MIER2: variants seen among roughly 807,000 people sequenced by gnomAD.
MIER2 encodes the protein mesoderm induction early response protein 2.
Under a neutral mutation model 67.6 loss-of-function variants are expected in MIER2, and 30 were observed. The observed-to-expected ratio is 0.44, with a 90% CI of 0.33 to 0.60. The LOEUF (loss-of-function observed/expected upper bound fraction) is 0.60, where lower values mean the gene tolerates loss of function less well. Ranked by LOEUF, MIER2 falls within the 20% of genes least tolerant of loss-of-function variation. The probability of loss-of-function intolerance (pLI) is 0.02; values close to 1 mark genes in which losing one functional copy is unlikely to be tolerated. For synonymous variants in MIER2, 372 were observed against 312.6 expected (o/e 1.19, Z -2.00); for missense variants, 702 against 745.1 (o/e 0.94, Z 0.67).
rs1441496629 is a variant in MIER2, at chr19:319,756, C to A, written c.655+5879G>T. On this transcript the variant is annotated intron_variant, in intron 7 of 13. Transcript: ENST00000264819. ...AAAGGCATGAGCCCCCACTCCTGGC[C>A]TCTCACATCTTAAAGAATAATTCCT... is the stretch of plus-strand genomic sequence containing the variant. 2.0e-5 allele frequency among the ~76,000 whole-genome samples: 3 copies of A among 152,192 alleles called. No homozygotes were observed. In the East Asian group the frequency reaches 5.8e-4, roughly 29 times the overall value.
chr19:340,286 C>T (rs541491545), intron 1 of MIER2, among the ~76,000 whole-genome samples: 10 of 152,272 alleles, frequency 6.6e-5, no homozygotes, highest in African/African-American at 1.4e-4. Context: ...CCTTGAACAA[C>T]GCAGGGGTTA....
At chr19:342,586 C>A (rs1972555467) in intron 1 of MIER2, among the ~76,000 whole-genome samples, 1 of 149,584 alleles carries the variant, frequency 6.7e-6, no homozygotes, top group Non-Finnish European at 1.5e-5. Flanking sequence ...AGATGGTGCT[C>A]TTAGGTTTTT....
intron 3 of MIER2, among the ~76,000 whole-genome samples, chr19:328,819 A>T (rs2145488094): frequency 6.6e-6 from 1 of 152,348 alleles, no homozygotes; most frequent in African/African-American, 2.4e-5. Context: ...GTCAATTCAC[A>T]CTCAGTCAAA....
intron 7 of MIER2, among the ~76,000 whole-genome samples, chr19:317,452 G>A (rs1041321056): frequency 1.7e-4 from 26 of 151,952 alleles, no homozygotes; most frequent in South Asian, 4.2e-4. Flanking sequence ...GCGTGAACCC[G>A]GGAGGCGGAG....
intron 7 of MIER2, among the ~76,000 whole-genome samples, chr19:320,148 A>G (rs1971439408): frequency 6.6e-6 from 1 of 151,944 alleles, no homozygotes; most frequent in Non-Finnish European, 1.5e-5. Flanking sequence ...GCTGAGGCGG[A>G]CAGATCACTT....
chr19:309,657 GACACACAC>G (rs34219771), intron 10 of MIER2, among the ~76,000 whole-genome samples: 8 of 64,482 alleles, frequency 1.2e-4, no homozygotes, highest in Admixed American at 1.9e-4. Context: ...GACGAGAAGG[GACACACAC>G]ACACACACAC....
At chr19:310,794 G>A (rs952823610) in intron 10 of MIER2, among the ~76,000 whole-genome samples, 7 of 147,136 alleles carry the variant, frequency 4.8e-5, no homozygotes, top group Non-Finnish European at 9.0e-5. Flanking sequence ...CCAGAGTCCA[G>A]AAACACAGCC....
intron 12 of MIER2, 43 bp from the exon 13 acceptor site, chr19:307,579 C>T (rs747212178): frequency 8.2e-6 from 12 of 1,465,180 alleles, no homozygotes; most frequent in South Asian, 2.9e-5. Flanking sequence ...TGCCCACAGC[C>T]GCGGATCCTG....
chr19:321,011 G>A (rs1971481165), intron 7 of MIER2, among the ~76,000 whole-genome samples: 1 of 152,222 alleles, frequency 6.6e-6, no homozygotes, highest in African/African-American at 2.4e-5. Context: ...GCACAAGGAT[G>A]TGAAAAACGG....
At chr19:336,854 T>C (rs75204856) in intron 1 of MIER2, among the ~76,000 whole-genome samples, 7,151 of 152,218 alleles carry the variant, frequency 0.047, 577 homozygotes, top group African/African-American at 0.16. Flanking sequence ...TATCTCTCTT[T>C]TTTTTTGAGA....
At chr19:321,500 C>T (rs981168776) in intron 7 of MIER2, among the ~76,000 whole-genome samples, 1 of 151,958 alleles carries the variant, frequency 6.6e-6, no homozygotes, top group East Asian at 1.9e-4. Flanking sequence ...CAAAAATGAG[C>T]CAGGCGTGGT....
chr19:341,151 C>T (rs1188157641), intron 1 of MIER2, among the ~76,000 whole-genome samples: 1 of 152,176 alleles, frequency 6.6e-6, no homozygotes, highest in Admixed American at 6.5e-5. Flanking sequence ...GGGTAGGGGT[C>T]GAGGACAGGT....
At chr19:327,307 G>A (rs766277126) in intron 4 of MIER2, 51 bp from the exon 5 acceptor site, 154 of 1,546,986 alleles carry the variant, frequency 1.0e-4, no homozygotes, top group Non-Finnish European at 1.3e-4. Context: ...TAACAATCTC[G>A]CAATACCACT....
chr19:311,974 C>T (rs1368792083), intron 9 of MIER2, 35 bp from the exon 10 acceptor site: 1 of 1,594,752 alleles, frequency 6.3e-7, no homozygotes, highest in Non-Finnish European at 8.6e-7. Flanking sequence ...GTCAGTGGTG[C>T]CCAGGGCGGG....
intron 10 of MIER2, among the ~76,000 whole-genome samples, chr19:309,503 G>C (rs144399996): frequency 6.6e-6 from 1 of 152,018 alleles, no homozygotes; most frequent in East Asian, 1.9e-4. Flanking sequence ...CTGTGAACCC[G>C]ACAAAATTCC....
chr19:340,845 G>A (rs1034520760), intron 1 of MIER2, among the ~76,000 whole-genome samples: 7 of 152,142 alleles, frequency 4.6e-5, no homozygotes, highest in African/African-American at 1.7e-4. Context: ...TTAGCTCCGT[G>A]GTGGCAGAGG....
At chr19:341,070 C>A (rs1044333211) in intron 1 of MIER2, among the ~76,000 whole-genome samples, 19 of 152,314 alleles carry the variant, frequency 1.2e-4, no homozygotes, top group Admixed American at 2.6e-4. Context: ...CAGCCACACG[C>A]GGTGTGAAGC....
In MIER2 at chr19:315,459, G is replaced by A. The variant is rs575346989; in HGVS notation, c.656-1816C>T. Among the ~76,000 whole-genome samples, 21 of 152,382 alleles carry A rather than the reference G, an allele frequency of 1.4e-4. No individual in the cohort carries two copies. The East Asian group carries it at 1.7e-3, about 13-fold the overall frequency. On this transcript the variant is annotated intron_variant, in intron 7 of 13. Transcript: ENST00000264819. ...CAGCACACGAAGACTTCAATCTAAC[G>A]AGGATTAATACGTTAAGGAAATGGA... is the stretch of plus-strand genomic sequence containing the variant.
intron 8 of MIER2, 87 bp downstream of exon 8, chr19:313,405 C>T: frequency 6.5e-7 from 1 of 1,549,694 alleles, no homozygotes; most frequent in East Asian, 2.2e-5. Context: ...CTCTGCCCTC[C>T]CTGGCCCCTG....
Sources: allele counts gnomAD v4.1 joint callset (sites outside exome capture counted in the v4.1 genomes callset), GRCh38; gene constraint gnomAD v4.1.1; transcripts MANE v1.5; gene names NCBI Gene and HGNC (gene_info 2026-07-23, HGNC 2026-07-21).